Variants in FBLN1 observed in about 807,000 individuals in gnomAD.
FBLN1 encodes fibulin-1.
In FBLN1, 34 loss-of-function variants were observed where a neutral mutation model predicts 89.7. The observed-to-expected ratio is 0.38, with a 90% CI of 0.29 to 0.50. FBLN1 has a LOEUF of 0.50. Among genes scored for constraint, FBLN1 ranks in the 20% least tolerant of loss-of-function variants. The pLI is 0.92. For missense variants in FBLN1, 777 were observed against 988.1 expected (o/e 0.79, Z 2.86); for synonymous variants, 393 against 391.3 (o/e 1.00, Z -0.05).
chr22:45,521,589 C>G (rs1253168241), intron 2 of FBLN1, among the ~76,000 whole-genome samples: 1 of 152,226 alleles, frequency 6.6e-6, no homozygotes, highest in Non-Finnish European at 1.5e-5. Flanking sequence ...GGGTCCAAAC[C>G]CCACGCAGCC....
chr22:45,554,231 T>C (rs1161945386), intron 14 of FBLN1, among the ~76,000 whole-genome samples: 1 of 151,952 alleles, frequency 6.6e-6, no homozygotes, highest in Non-Finnish European at 1.5e-5. Flanking sequence ...GGAAGCGCAG[T>C]TCACCTGCAC....
chr22:45,540,735 G>A (rs1285043429), intron 8 of FBLN1, among the ~76,000 whole-genome samples: 1 of 152,216 alleles, frequency 6.6e-6, no homozygotes, highest in Non-Finnish European at 1.5e-5. Context: ...CCATGTCAGA[G>A]ATGTGTCCAC....
intron 16 of FBLN1, among the ~76,000 whole-genome samples, chr22:45,592,004 C>T (rs923074015): frequency 1.5e-4 from 22 of 151,282 alleles, no homozygotes; most frequent in Non-Finnish European, 3.0e-4. Context: ...GAGGAAGTGT[C>T]CTGCGCGCCA....
chr22:45,560,788 C>T (rs1280965291), intron 14 of FBLN1, among the ~76,000 whole-genome samples: 1 of 152,148 alleles, frequency 6.6e-6, no homozygotes, highest in Non-Finnish European at 1.5e-5. Context: ...CACTCTCAAC[C>T]TCATCTCTAG....
In FBLN1 at chr22:45,526,003, C is replaced by T. The variant is rs743976; in HGVS notation, c.321+325C>T. ...CAAAGCAGGGCTCCTCCTGGGCTTC[C>T]AGAATCTTCTTCTCAATTCAGGGTC... On this transcript the variant is annotated intron_variant, in intron 3 of 16. Transcript: ENST00000327858. Among the ~76,000 whole-genome samples the T allele has an allele frequency of 0.11, 16,943 of 152,236 alleles. 1,000 individuals are homozygous for T. Among genetic ancestry groups the T allele is most frequent in the South Asian group, 0.17 (813 of 4,830 alleles).
At chr22:45,564,900 G>A in intron 14 of FBLN1, 2 of 1,614,062 alleles carry the variant, frequency 1.2e-6, no homozygotes, top group Non-Finnish European at 1.7e-6. Context: ...ATCCAAGAAG[G>A]GAAGGCAGAA....
At chr22:45,512,985 A>G (rs1226049494) in intron 1 of FBLN1, among the ~76,000 whole-genome samples, 6 of 152,138 alleles carry the variant, frequency 3.9e-5, no homozygotes, top group Non-Finnish European at 7.4e-5. Flanking sequence ...CAAAGTTGCA[A>G]TCTATTTTTT....
chr22:45,519,670 G>GATC (rs2088222410), intron 2 of FBLN1, among the ~76,000 whole-genome samples: 2 of 150,602 alleles, frequency 1.3e-5, no homozygotes, highest in African/African-American at 4.9e-5. Flanking sequence ...AGGTCATGCT[G>GATC]ATCATCATCA....
chr22:45,552,253 A>C (rs560601386), intron 14 of FBLN1, among the ~76,000 whole-genome samples: 9 of 152,354 alleles, frequency 5.9e-5, no homozygotes, highest in African/African-American at 2.2e-4. Context: ...GGAGTGGGCC[A>C]TGCCTGCATG....
intron 14 of FBLN1, among the ~76,000 whole-genome samples, chr22:45,571,927 G>T (rs2088956396): frequency 6.6e-6 from 1 of 151,948 alleles, no homozygotes; most frequent in Non-Finnish European, 1.5e-5. Context: ...TCAGGAGTTC[G>T]AGACTAGCCT....
chr22:45,558,955 T>C (rs185218189), intron 14 of FBLN1, among the ~76,000 whole-genome samples: 2 of 152,376 alleles, frequency 1.3e-5, no homozygotes, highest in Non-Finnish European at 2.9e-5. Flanking sequence ...ATGTCACCAA[T>C]TTAATGGACC....
intron 8 of FBLN1, among the ~76,000 whole-genome samples, chr22:45,539,205 CTTT>C (rs549125499): frequency 5.3e-5 from 5 of 93,724 alleles, no homozygotes; most frequent in African/African-American, 1.6e-4. Flanking sequence ...TTCTTTTCTT[CTTT>C]TTTTTTTTTT....
intron 2 of FBLN1, 84 bp from the exon 3 acceptor site, chr22:45,525,459 G>A (rs2088313183): frequency 7.8e-6 from 10 of 1,283,884 alleles, no homozygotes; most frequent in African/African-American, 1.5e-5. Flanking sequence ...AGGCTCAAAG[G>A]TGAGAGCACC....
chr22:45,570,162 A>G (rs890870550), intron 14 of FBLN1, among the ~76,000 whole-genome samples: 9 of 151,772 alleles, frequency 5.9e-5, no homozygotes, highest in Non-Finnish European at 1.2e-4. Context: ...TCTACTAAAA[A>G]TACAAAAATT....
intron 2 of FBLN1, among the ~76,000 whole-genome samples, chr22:45,525,189 GAGAGAGAAAGAGAGAAAGAA>G (rs1370585694): frequency 3.5e-5 from 5 of 144,362 alleles, no homozygotes; most frequent in East Asian, 2.6e-4. Context: ...AAGAGAGAGA[GAGAGAGAAAGAGAGAAAGAA>G]AGAAAGAGAG....
rs1052350692 is a variant in FBLN1, at chr22:45,592,840, A to G, written c.1973-7467A>G. ...CAGCACCTTGTCCACACAGCCCTACACTTCCCTTCCTTTCTGCTCATGGCT... is the reference window on the plus strand; with the variant it reads ...CAGCACCTTGTCCACACAGCCCTACGCTTCCCTTCCTTTCTGCTCATGGCT... On this transcript the variant is annotated intron_variant, in intron 16 of 16. Transcript: ENST00000327858. 3.9e-5 allele frequency among the ~76,000 whole-genome samples: 6 copies of G among 151,994 alleles called. No homozygotes were observed. The South Asian group carries it at 8.3e-4, about 21-fold the overall frequency.
intron 1 of FBLN1, among the ~76,000 whole-genome samples, chr22:45,513,622 A>G (rs2088130843): frequency 6.6e-6 from 1 of 152,090 alleles, no homozygotes; most frequent in African/African-American, 2.4e-5. Context: ...CCAAACTGTT[A>G]AATACTAACT....
chr22:45,520,114 G>T (rs567046342), intron 2 of FBLN1, among the ~76,000 whole-genome samples: 1 of 152,340 alleles, frequency 6.6e-6, no homozygotes, highest in East Asian at 1.9e-4. Flanking sequence ...AGGTTGCAGT[G>T]AGCTGAGACC....
At chr22:45,535,422 G>A (rs2146971680) in intron 8 of FBLN1, 85 bp downstream of exon 8, 1 of 1,540,348 alleles carries the variant, frequency 6.5e-7, no homozygotes, top group Non-Finnish European at 8.9e-7. Flanking sequence ...GAATCTGCGG[G>A]GCCGCATGGT....
Sources: gnomAD v4.1 joint callset for allele counts (sites outside exome capture counted in the v4.1 genomes callset) on GRCh38, gnomAD v4.1.1 for gene constraint, MANE v1.5 for transcripts, NCBI Gene and HGNC (gene_info 2026-07-23, HGNC 2026-07-21) for gene names.